The following C2orf49 variants were observed in gnomAD, a reference collection of about 807,000 sequenced individuals.
The protein encoded by C2orf49 is tRNA-splicing ligase complex subunit ASW.
A neutral mutation model predicts 20.6 loss-of-function variants in C2orf49; 11 were observed. The observed-to-expected ratio is 0.53, with a 90% CI of 0.34 to 0.88. The LOEUF is 0.88. Ranked by LOEUF, C2orf49 falls within the 40% of genes least tolerant of loss-of-function variation. The probability of loss-of-function intolerance (pLI) is 0.02; values close to 1 mark genes in which losing one functional copy is unlikely to be tolerated. For missense variants in C2orf49, 289 were observed against 274.2 expected (o/e 1.05, Z -0.38); for synonymous variants, 134 against 108.5 (o/e 1.24, Z -1.46).
At chr2:105,378,311 C>T in the C2orf49 span, 1 of 400,866 alleles carries the variant, frequency 2.5e-6, no homozygotes, top group Non-Finnish European at 5.2e-6. Flanking sequence ...GACTAAGCAT[C>T]CATGCAAGAC....
intron 3 of C2orf49, among the ~76,000 whole-genome samples, chr2:105,344,167 T>A (rs958170535): frequency 6.6e-6 from 1 of 152,150 alleles, no homozygotes; most frequent in Admixed American, 6.6e-5. Flanking sequence ...TAAATAAGTT[T>A]GTCCAGAATT....
At chr2:105,379,778 T>C in the C2orf49 span, among the ~76,000 whole-genome samples, 2 of 152,094 alleles carry the variant, frequency 1.3e-5, no homozygotes, top group African/African-American at 4.8e-5. Flanking sequence ...CTTTCCCTTC[T>C]CCCCAAAAGG....
At chr2:105,363,373 G>A in the C2orf49 span, 9 of 1,614,144 alleles carry the variant, frequency 5.6e-6, no homozygotes, top group South Asian at 2.2e-5. Context: ...CGCGAGCTGT[G>A]AAGCGCTGCC....
At chr2:105,366,987 C>T in the C2orf49 span, among the ~76,000 whole-genome samples, 7 of 152,322 alleles carry the variant, frequency 4.6e-5, no homozygotes, top group African/African-American at 1.7e-4. Context: ...CTAAGGTAAT[C>T]CACCAGCCTT....
the C2orf49 span, among the ~76,000 whole-genome samples, chr2:105,362,874 T>A: frequency 6.6e-6 from 1 of 152,196 alleles, no homozygotes; most frequent in Non-Finnish European, 1.5e-5. Flanking sequence ...GTGGTAGAAG[T>A]TTCCCATTAA....
chr2:105,350,694 C>T (rs1407240520), downstream of C2orf49, among the ~76,000 whole-genome samples: 11 of 152,104 alleles, frequency 7.2e-5, no homozygotes, highest in South Asian at 2.1e-4. Flanking sequence ...TCCTATCTTT[C>T]GAAGCCTTCT....
chr2:105,356,472 G>T, the C2orf49 span, among the ~76,000 whole-genome samples: 1 of 152,086 alleles, frequency 6.6e-6, no homozygotes, highest in Non-Finnish European at 1.5e-5. Context: ...CTACTTGAGA[G>T]GCTGAGGTGG....
At chr2:105,343,777 A>G (rs1244726039) in intron 3 of C2orf49, among the ~76,000 whole-genome samples, 1 of 152,120 alleles carries the variant, frequency 6.6e-6, no homozygotes, top group Non-Finnish European at 1.5e-5. Context: ...ATGTTGAATC[A>G]TTTGGATGCT....
At chr2:105,373,230 G>A in the C2orf49 span, among the ~76,000 whole-genome samples, 1 of 152,232 alleles carries the variant, frequency 6.6e-6, no homozygotes, top group African/African-American at 2.4e-5. Flanking sequence ...TAGAAGGGAA[G>A]AAAAGAGAAA....
the C2orf49 span, among the ~76,000 whole-genome samples, chr2:105,383,784 G>A: frequency 6.6e-5 from 10 of 152,256 alleles, no homozygotes; most frequent in South Asian, 2.1e-4. Flanking sequence ...CCAACTACCC[G>A]ATTATTTTTG....
chr2:105,382,002 A>G, the C2orf49 span, among the ~76,000 whole-genome samples: 4 of 152,202 alleles, frequency 2.6e-5, no homozygotes, highest in East Asian at 7.8e-4. Context: ...TCCAAAATAT[A>G]CTAGGGGCAT....
intron 2 of C2orf49, among the ~76,000 whole-genome samples, chr2:105,342,279 T>G (rs1679691802): frequency 6.6e-6 from 1 of 152,240 alleles, no homozygotes; most frequent in African/African-American, 2.4e-5. Flanking sequence ...ACCTTTACTA[T>G]TAAGAGTGGA....
chr2:105,378,166 C>T, the C2orf49 span: 1 of 471,160 alleles, frequency 2.1e-6, no homozygotes, highest in South Asian at 1.5e-5. Context: ...GGGTCCAAGG[C>T]ACTGCAGAAT....
At chr2:105,356,243 G>T in the C2orf49 span, among the ~76,000 whole-genome samples, 1 of 151,886 alleles carries the variant, frequency 6.6e-6, no homozygotes, top group African/African-American at 2.4e-5. Flanking sequence ...ATACAAAAAT[G>T]AGCTGGGCGT....
chr2:105,373,987 A>T, the C2orf49 span: 1 of 515,850 alleles, frequency 1.9e-6, no homozygotes, highest in African/African-American at 1.9e-5. Context: ...TGTGTGAGAG[A>T]TGCTTCTAAA....
the C2orf49 span, among the ~76,000 whole-genome samples, chr2:105,379,988 G>A: frequency 6.6e-6 from 1 of 152,170 alleles, no homozygotes; most frequent in East Asian, 1.9e-4. Context: ...TGAATGGGGC[G>A]CCCAGTTTGT....
the C2orf49 span, among the ~76,000 whole-genome samples, chr2:105,365,920 T>C: frequency 7.3e-5 from 11 of 151,694 alleles, no homozygotes; most frequent in Admixed American, 7.2e-4. Flanking sequence ...AAAGAACAAA[T>C]GGGGCCAGGC....
At chr2:105,344,704 C>G (rs531025641) in intron 3 of C2orf49, among the ~76,000 whole-genome samples, 2 of 151,744 alleles carry the variant, frequency 1.3e-5, no homozygotes, top group South Asian at 2.1e-4. Context: ...CTCAGCCTCC[C>G]GAGTAGCTAG....
the C2orf49 span, chr2:105,363,294 G>A: frequency 3.2e-5 from 51 of 1,614,128 alleles, no homozygotes; most frequent in Non-Finnish European, 4.3e-5. Context: ...CCGCTGATGG[G>A]GTTGGTGCAC....
Sources: allele counts gnomAD v4.1 joint callset (sites outside exome capture counted in the v4.1 genomes callset), GRCh38; gene constraint gnomAD v4.1.1; transcripts MANE v1.5; gene names NCBI Gene and HGNC (gene_info 2026-07-23, HGNC 2026-07-21).